LRRK2: variants seen among roughly 807,000 people sequenced by gnomAD.
LRRK2 encodes leucine-rich repeat serine/threonine-protein kinase 2.
A neutral mutation model predicts 302.6 loss-of-function variants in LRRK2; 203 were observed. The ratio of observed to expected loss-of-function variants is 0.67; its 90% CI spans 0.60 to 0.75. The LOEUF is 0.75. Among genes scored for constraint, LRRK2 ranks in the 30% least tolerant of loss-of-function variants. The pLI is 0.00. For missense variants in LRRK2, 2,830 were observed against 2,951.0 expected, an observed-to-expected ratio of 0.96 and a Z score of 0.95; for synonymous variants, 1,066 against 1,031.9, an observed-to-expected ratio of 1.03 and a Z score of -0.63.
At chr12:40,367,612 T>A in intron 50 of LRRK2, 32 bp from the exon 51 acceptor site, 1 of 1,591,130 alleles carries the variant, frequency 6.3e-7, no homozygotes, top group Non-Finnish European at 8.6e-7. Context: ...GATGGATCTT[T>A]GAAACATGAT....
In LRRK2 at chr12:40,367,679, C is replaced by T; in HGVS notation, c.7498C>T (p.Leu2500Phe). 6.2e-7 allele frequency: 1 copy of T among 1,603,690 alleles called. No homozygotes were observed. The change falls in exon 51 of 51, where the codon CTT becomes TTT. Residue 2500 changes from leucine to phenylalanine, a missense_variant. By Grantham distance (22) the Leu-to-Phe change is conservative. This residue lies in a region of LRRK2 where 456 missense variants were observed against 456.3 expected (regional missense o/e 1.00). Transcript: ENST00000298910. ...QSCLTVWDIN[L>F]PHEVQNLEKH... Reference sequence around the variant, plus strand: ...TTGCTTGACCGTTTGGGACATCAATCTTCCACATGAAGTGCAAAATTTAGA... The same window carrying T: ...TTGCTTGACCGTTTGGGACATCAATTTTCCACATGAAGTGCAAAATTTAGA...
intron 46 of LRRK2, among the ~76,000 whole-genome samples, chr12:40,356,696 A>G (rs1946549669): frequency 6.6e-6 from 1 of 152,176 alleles, no homozygotes; most frequent in Admixed American, 6.5e-5. Flanking sequence ...CAAAAAGCTT[A>G]TTATCTGATG....
Position 40,323,295 on chromosome 12 carries a change from A to T in LRRK2, c.5645A>T (p.Glu1882Val). ...GAGTTGGAATTTGAACAAGCTCCAGAGTTTCTCCTAGGTAATTCTTTTTGT... is the reference window on the plus strand; with the variant it reads ...GAGTTGGAATTTGAACAAGCTCCAGTGTTTCTCCTAGGTAATTCTTTTTGT... ...NDELEFEQAP[E>V]FLLGDGSFGS... The change falls in exon 38 of 51, where the codon GAG becomes GTG. Residue 1882 changes from glutamate (E) to valine (V), a missense_variant. Transcript: ENST00000298910. 6.2e-7 allele frequency: 1 copy of T among 1,611,918 alleles called. No homozygotes were observed. Among genetic ancestry groups the T allele is most frequent in the Non-Finnish European group, 8.5e-7 (1 of 1,178,780 alleles).
intron 3 of LRRK2, among the ~76,000 whole-genome samples, chr12:40,234,768 AAACT>A (rs1463318057): frequency 6.6e-6 from 1 of 152,078 alleles, no homozygotes; most frequent in African/African-American, 2.4e-5. Flanking sequence ...TTATATACAC[AAACT>A]AACATCTTTA....
intron 13 of LRRK2, among the ~76,000 whole-genome samples, chr12:40,262,784 T>C (rs1226844570): frequency 1.3e-5 from 2 of 152,208 alleles, no homozygotes; most frequent in Non-Finnish European, 2.9e-5. Flanking sequence ...AGTGGTCACA[T>C]CTTCTTAAGG....
chr12:40,348,089 AAGT>A (rs1946247170), intron 42 of LRRK2, among the ~76,000 whole-genome samples: 1 of 152,226 alleles, frequency 6.6e-6, no homozygotes, highest in Non-Finnish European at 1.5e-5. Context: ...TTAAAATAAA[AAGT>A]AGAAGCTTTA....
At chr12:40,285,467 T>A (rs11175862) in intron 19 of LRRK2, among the ~76,000 whole-genome samples, 42,789 of 151,794 alleles carry the variant, frequency 0.28, 6,396 homozygotes, top group South Asian at 0.38. Context: ...TGTGGAAACA[T>A]GCTTCATATA....
At chr12:40,302,162 A>G (rs1452758998) in intron 25 of LRRK2, among the ~76,000 whole-genome samples, 1 of 152,162 alleles carries the variant, frequency 6.6e-6, no homozygotes, top group Admixed American at 6.5e-5. Context: ...TGGGCAACAG[A>G]GCGAGACTCT....
chr12:40,319,683 G>A (rs1245951843), intron 33 of LRRK2, among the ~76,000 whole-genome samples: 5 of 152,152 alleles, frequency 3.3e-5, no homozygotes. Context: ...ACAGATGTGA[G>A]GTATTGGATT....
chr12:40,226,085 G>A (rs1437795224), intron 2 of LRRK2, among the ~76,000 whole-genome samples: 1 of 152,172 alleles, frequency 6.6e-6, no homozygotes, highest in Non-Finnish European at 1.5e-5. Context: ...CTCTTGTAGA[G>A]TTCAGCACTT....
chr12:40,304,462 T>TAAAC (rs1212321741), intron 27 of LRRK2: 1 of 298,750 alleles, frequency 3.3e-6, no homozygotes, highest in African/African-American at 2.2e-5. Context: ...ATCTGAAAGC[T>TAAAC]AAACAGCTAG....
chr12:40,263,259 T>G lies in LRRK2; in HGVS notation c.1544-530T>G, dbSNP rs550938266. 5.3e-5 allele frequency among the ~76,000 whole-genome samples: 8 copies of G among 152,338 alleles called. No individual in the cohort carries two copies. The South Asian group carries it at 1.4e-3, about 28-fold the overall frequency. On this transcript the variant is annotated intron_variant, in intron 13 of 50. Coordinates refer to ENST00000298910, the MANE Select transcript of LRRK2 (RefSeq NM_198578.4). ...GTGTAGCTTAATAAAGAATATGATTTTTTAAAATAGCAATGCTATTATATA... is the reference window on the plus strand; with the variant it reads ...GTGTAGCTTAATAAAGAATATGATTGTTTAAAATAGCAATGCTATTATATA...
intron 12 of LRRK2, among the ~76,000 whole-genome samples, chr12:40,258,720 A>G (rs1024127359): frequency 1.2e-4 from 19 of 152,330 alleles, no homozygotes; most frequent in African/African-American, 4.6e-4. Context: ...GAGTGGACTC[A>G]GCTGGGGTTA....
rs72546319 is a variant in LRRK2 at position 40,277,968 on chromosome 12, A to C, written c.2022A>C (p.Val674=). ...TGGTGCATCATTCATTTGACTTAGT[A>C]ATATTCCATCAAATGTCTTCCAATA... ...KLLVHHSFDL[V]IFHQMSSNIM... Residue 674 remains valine (V), a synonymous_variant, in exon 17 of 51, where the codon GTA becomes GTC. Coordinates refer to ENST00000298910, the MANE Select transcript of LRRK2 (RefSeq NM_198578.4). 2.3e-4 allele frequency: 364 copies of C among 1,613,538 alleles called. 3 individuals carry two copies. In the African/African-American group the frequency reaches 4.3e-3, roughly 19 times the overall value.
At chr12:40,334,375 C>T (rs1427067399) in intron 39 of LRRK2, among the ~76,000 whole-genome samples, 1 of 152,064 alleles carries the variant, frequency 6.6e-6, no homozygotes, top group African/African-American at 2.4e-5. Flanking sequence ...GGGTGCTGAC[C>T]CCTTGTGCAG....
chr12:40,287,236 G>T, intron 19 of LRRK2, 115 bp from the exon 20 acceptor site: 1 of 931,500 alleles, frequency 1.1e-6, no homozygotes, highest in Non-Finnish European at 1.7e-6. Flanking sequence ...ACTTTGAAAG[G>T]AAAAATAGAA....
At chr12:40,270,881 G>T (rs1394989434) in intron 14 of LRRK2, among the ~76,000 whole-genome samples, 1 of 151,938 alleles carries the variant, frequency 6.6e-6, no homozygotes, top group Admixed American at 6.6e-5. Flanking sequence ...ATTTTGGCAT[G>T]AAAAAAAGCC....
chr12:40,308,022 C>T (rs1472404345), intron 28 of LRRK2, among the ~76,000 whole-genome samples: 8 of 151,858 alleles, frequency 5.3e-5, no homozygotes, highest in Non-Finnish European at 1.0e-4. Flanking sequence ...CCTCATGATC[C>T]GCCCACCTCG....
chr12:40,294,572 T>C (rs1282703713), intron 21 of LRRK2, among the ~76,000 whole-genome samples: 1 of 152,098 alleles, frequency 6.6e-6, no homozygotes, highest in African/African-American at 2.4e-5. Flanking sequence ...TGAGAAATTA[T>C]ATGGATATAG....
Sources: allele counts gnomAD v4.1 joint callset (sites outside exome capture counted in the v4.1 genomes callset), GRCh38; gene constraint gnomAD v4.1.1; regional missense constraint gnomAD v4.1.1; transcripts MANE v1.5; gene names NCBI Gene and HGNC (gene_info 2026-07-23, HGNC 2026-07-21).